The following ITPKA variants were observed in gnomAD, a reference collection of about 807,000 sequenced individuals.
ITPKA encodes the protein IP3 3-kinase A.
ITPKA carries 16 observed loss-of-function variants against 40.7 expected under a neutral mutation model. That is an observed-to-expected ratio of 0.39 (90% CI 0.27 to 0.60). The LOEUF (loss-of-function observed/expected upper bound fraction) is 0.60. ITPKA is among the 20% of genes least tolerant of loss of function. ITPKA has a pLI of 0.50. For synonymous variants in ITPKA, 313 were observed against 289.9 expected (o/e 1.08, Z -0.81); for missense variants, 540 against 649.3 (o/e 0.83, Z 1.83).
At chr15:41,495,563 C>T (rs1054625388) in intron 1 of ITPKA, among the ~76,000 whole-genome samples, 1 of 152,248 alleles carries the variant, frequency 6.6e-6, no homozygotes, top group African/African-American at 2.4e-5. Flanking sequence ...GAACACCCCC[C>T]GCCGCCAGGT....
chr15:41,502,079 G>A lies in ITPKA; in HGVS notation c.886G>A (p.Asp296Asn). 6.2e-7 allele frequency: 1 copy of A among 1,613,128 alleles called. No individual in the cohort carries two copies. Among genetic ancestry groups the A allele is most frequent in the South Asian group, 1.1e-5 (1 of 91,048 alleles). The change falls in exon 4 of 7, where the codon GAT becomes AAT. Residue 296 changes from aspartate (D) to asparagine (N), a missense_variant. Transcript: ENST00000260386. The stretch of plus-strand genomic sequence containing the variant: ...CATGTACAAGAAAATGCTGGCGGTG[G>A]ATCCTGAAGCTCCCACGGAGGAGGA... ...KDMYKKMLAV[D>N]PEAPTEEEHA... is the part of the protein sequence containing the mutation.
Position 41,501,745 on chromosome 15 carries a change from G to T in ITPKA, c.697G>T (p.Ala233Ser). The change falls in exon 3 of 7, where the codon GCC becomes TCC. Residue 233 changes from alanine to serine, a missense_variant. By Grantham distance (99) the Ala-to-Ser change is moderately conservative. Transcript: ENST00000260386. Reference protein sequence around the residue: ...MADALRGCVPAFHGVVERDGE... With the variant: ...MADALRGCVPSFHGVVERDGE... ...TGACGCGCTGCGCGGCTGCGTGCCT[G>T]CCTTCCACGGCGTGGTGGAGCGCGA... is the stretch of plus-strand genomic sequence containing the variant. 1 of 1,612,388 alleles carries T rather than the reference G, an allele frequency of 6.2e-7. No homozygotes were observed.
At chr15:41,499,787 G>A (rs1056981270) in intron 1 of ITPKA, among the ~76,000 whole-genome samples, 2 of 152,082 alleles carry the variant, frequency 1.3e-5, no homozygotes, top group Admixed American at 6.6e-5. Context: ...GCCGAGTTGC[G>A]GGTGGTAAGA....
At chr15:41,501,400 T>C in intron 1 of ITPKA, 63 bp from the exon 2 acceptor site, 1 of 1,547,638 alleles carries the variant, frequency 6.5e-7, no homozygotes, top group South Asian at 1.2e-5. Context: ...CCTGTTTCAG[T>C]GGAGGGAGGG....
rs1354233027 is a variant in ITPKA, at chr15:41,501,709, C to T, written c.661C>T (p.Arg221Trp). The change falls in exon 3 of 7, where the codon CGG becomes TGG. Residue 221 changes from arginine to tryptophan, a missense_variant. By Grantham distance (101) the Arg-to-Trp change is moderately radical (BLOSUM62 -3). Coordinates refer to ENST00000260386, the MANE Select transcript of ITPKA (RefSeq NM_002220.3). ...CSEPERYCLA[R>W]LMADALRGCV... is the part of the protein sequence containing the mutation. ...GGAGCCGGAGCGCTACTGCCTGGCG[C>T]GGCTGATGGCTGACGCGCTGCGCGG... The T allele has an allele frequency of 6.2e-6, 10 of 1,610,828 alleles. No individual in the cohort carries two copies. The highest frequency in any genetic ancestry group is 1.7e-4 in the Middle Eastern group (1 of 6,028).
intron 1 of ITPKA, chr15:41,501,222 C>A: frequency 1.4e-6 from 1 of 726,588 alleles, no homozygotes. Context: ...GCTTCAGATG[C>A]TAAGTCCAGG....
chr15:41,501,004 A>G (rs2051105194), intron 1 of ITPKA, among the ~76,000 whole-genome samples: 1 of 77,826 alleles, frequency 1.3e-5, no homozygotes, highest in Admixed American at 1.9e-4. Context: ...GCAAGACTCC[A>G]TCTGAAAAAA....
Position 41,502,022 on chromosome 15 carries a change from A to G in ITPKA, c.829A>G (p.Lys277Glu). 1 of 1,613,300 alleles carries G rather than the reference A, an allele frequency of 6.2e-7. No homozygotes were observed. Among genetic ancestry groups the G allele is most frequent in the East Asian group, 2.2e-5 (1 of 44,868 alleles). Residue 277 changes from lysine (K) to glutamate (E), a missense_variant, in exon 4 of 7, where the codon AAG (lysine) becomes GAG (glutamate). Coordinates refer to ENST00000260386, the MANE Select transcript of ITPKA (RefSeq NM_002220.3). ...GACTTACCTAGAGGAGGAGCTGACC[A>G]AGGCCCGTGAGCGGCCCAAGCTGCG... ...VRTYLEEELTKARERPKLRKD... is the reference protein window; with the variant it reads ...VRTYLEEELTEARERPKLRKD...
Position 41,502,870 on chromosome 15 carries a change from G to C in ITPKA, c.1182+11G>C. On this transcript the variant is annotated intron_variant, in intron 6 of 6. Coordinates refer to ENST00000260386, the MANE Select transcript of ITPKA (RefSeq NM_002220.3). Reference sequence around the variant, plus strand: ...TTCAGGAGGCACGAGGTAAGCGGCGGCTGCCCGGGTGCCCGGGCCGCGAGG... The same window carrying C: ...TTCAGGAGGCACGAGGTAAGCGGCGCCTGCCCGGGTGCCCGGGCCGCGAGG... 6.2e-7 allele frequency: 1 copy of C among 1,611,278 alleles called. No individual in the cohort carries two copies. Among genetic ancestry groups the C allele is most frequent in the South Asian group, 1.1e-5 (1 of 90,854 alleles).
intron 1 of ITPKA, among the ~76,000 whole-genome samples, chr15:41,501,138 C>T (rs2051106922): frequency 6.6e-6 from 1 of 151,468 alleles, no homozygotes; most frequent in African/African-American, 2.4e-5. Flanking sequence ...CACAACAGTT[C>T]AAAAACCTCG....
chr15:41,503,323 G>A lies in ITPKA; in HGVS notation c.*157G>A. Reference sequence around the variant, plus strand: ...CCAGCCACTAAGGGGGGGCACCGCCGATGCCAGGGGTTTTGCCCACCCGGG... The same window carrying A: ...CCAGCCACTAAGGGGGGGCACCGCCAATGCCAGGGGTTTTGCCCACCCGGG... On this transcript the variant is annotated 3_prime_UTR_variant, in exon 7 of 7. Transcript: ENST00000260386. 3 of 632,012 alleles carry A rather than the reference G, an allele frequency of 4.7e-6. No individual in the cohort carries two copies. In the South Asian group the frequency reaches 5.9e-5, roughly 12 times the overall value. The allele number at this position is 632,012 out of a possible 1,614,324, so 39.2% of individuals were successfully genotyped here.
intron 1 of ITPKA, among the ~76,000 whole-genome samples, chr15:41,497,743 GGA>G (rs2051084353): frequency 6.6e-6 from 1 of 152,170 alleles, no homozygotes; most frequent in Non-Finnish European, 1.5e-5. Context: ...TTGTAGGCTG[GGA>G]GCAGTGGCTC....
Position 41,494,362 on chromosome 15 carries a change from T to G in ITPKA, c.435T>G (p.Ser145Arg). 6.6e-7 allele frequency: 1 copy of G among 1,507,930 alleles called. No individual in the cohort carries two copies. The highest frequency in any genetic ancestry group is 8.8e-7 in the Non-Finnish European group (1 of 1,133,212). 93.4% of individuals were successfully genotyped at this position (1,507,930 alleles called of 1,614,324 possible). A position where few individuals can be genotyped will look rare whatever the true frequency, so the allele number is the denominator to read the frequency against. ...EDSEDDLLSDSESRSRGNVQL... is the reference protein window; with the variant it reads ...EDSEDDLLSDRESRSRGNVQL... ...CGGAGGACGACCTGCTGAGCGACAG[T>G]GAGAGCCGGAGCCGCGGCAACGTGC... Residue 145 changes from serine to arginine, a missense_variant, in exon 1 of 7, where the codon AGT becomes AGG. Ser to Arg is a moderately radical substitution (Grantham distance 110). Transcript: ENST00000260386. This position sits in a 1 kb window ranked among gnomAD's most constrained non-coding sequence, Gnocchi z 7.8.
rs1469167133 is a variant in ITPKA at position 41,502,817 on chromosome 15, C to T, written c.1140C>T (p.Ile380=). Residue 380 remains isoleucine (I), a synonymous_variant, in exon 6 of 7, where the codon ATC becomes ATT. Transcript: ENST00000260386. ...GGTATCTGAACCGCCTGCAGCAGAT[C>T]CGGGACACCCTGGAGGTATCCGAGT... ...LRRYLNRLQQ[I]RDTLEVSEFF... is the part of the protein sequence containing the mutation. 1 of 1,612,514 alleles carries T rather than the reference C, an allele frequency of 6.2e-7. No individual in the cohort carries two copies. Among genetic ancestry groups the T allele is most frequent in the Non-Finnish European group, 8.5e-7 (1 of 1,179,358 alleles).
intron 1 of ITPKA, among the ~76,000 whole-genome samples, chr15:41,499,883 A>C (rs2051098430): frequency 6.6e-6 from 1 of 152,004 alleles, no homozygotes; most frequent in African/African-American, 2.4e-5. Context: ...AAAACAAAAA[A>C]CAAAAAACAA....
In ITPKA at chr15:41,501,488, C is replaced by G. The variant is rs1421557643; in HGVS notation, c.515C>G (p.Thr172Ser). Residue 172 changes from threonine (T) to serine (S), a missense_variant, in exon 2 of 7, where the codon ACC becomes AGC. Coordinates refer to ENST00000260386, the MANE Select transcript of ITPKA (RefSeq NM_002220.3). Reference protein sequence around the residue: ...GQKNHWQKIRTMVNLPVISPF... With the variant: ...GQKNHWQKIRSMVNLPVISPF... ...AAAAACCACTGGCAGAAGATCCGGA[C>G]CATGGTCAATCTGCCGGTCATAAGC... 6.2e-7 allele frequency: 1 copy of G among 1,610,918 alleles called. No homozygotes were observed. Among genetic ancestry groups the G allele is most frequent in the Non-Finnish European group, 8.5e-7 (1 of 1,178,886 alleles).
At chr15:41,500,940 T>C (rs928202562) in intron 1 of ITPKA, among the ~76,000 whole-genome samples, 2 of 133,532 alleles carry the variant, frequency 1.5e-5, no homozygotes, top group African/African-American at 2.9e-5. Context: ...ACCCGGGAGG[T>C]AGAGGTTGCA....
intron 3 of ITPKA, 62 bp downstream of exon 3, chr15:41,501,913 G>A: frequency 1.9e-6 from 3 of 1,591,166 alleles, no homozygotes; most frequent in Non-Finnish European, 8.6e-7. Flanking sequence ...CGGGACAGCT[G>A]CTTGAGGGGG....
rs1412983689 is a variant in ITPKA at position 41,501,574 on chromosome 15, G to C, written c.586+15G>C. The C allele has an allele frequency of 8.8e-7, 1 of 1,140,622 alleles. No homozygotes were observed. Among genetic ancestry groups the C allele is most frequent in the South Asian group, 1.3e-5 (1 of 76,164 alleles). The allele number at this position is 1,140,622 out of a possible 1,614,324, so 70.7% of individuals were successfully genotyped here. A position where few individuals can be genotyped will look rare whatever the true frequency, so the allele number is the denominator to read the frequency against. On this transcript the variant is annotated intron_variant, in intron 2 of 6. Transcript: ENST00000260386. Reference sequence around the variant, plus strand: ...AGGGCACACTGGTGAGCAGTGGGGCGGGTGGGCGGGTGCCCGCGACGGGAA... The same window carrying C: ...AGGGCACACTGGTGAGCAGTGGGGCCGGTGGGCGGGTGCCCGCGACGGGAA...
Sources: gnomAD v4.1 joint callset for allele counts (sites outside exome capture counted in the v4.1 genomes callset) on GRCh38, gnomAD v4.1.1 for gene constraint, Gnocchi (gnomAD v3.1) non-coding constraint, MANE v1.5 for transcripts, NCBI Gene and HGNC (gene_info 2026-07-23, HGNC 2026-07-21) for gene names.